SPATA31C2: variants seen among roughly 807,000 people sequenced by gnomAD.
The protein encoded by SPATA31C2 is SPATA31 subfamily C member 2, also known as spermatogenesis-associated protein 31C2.
Under a neutral mutation model 11.4 loss-of-function variants are expected in SPATA31C2, and 5 were observed. The ratio of observed to expected loss-of-function variants is 0.44; its 90% CI spans 0.23 to 0.92. SPATA31C2 has a LOEUF of 0.92. Among genes scored for constraint, SPATA31C2 ranks in the 40% least tolerant of loss-of-function variants. The pLI is 0.24. For synonymous variants in SPATA31C2, 515 were observed against 538.7 expected (o/e 0.96, Z 0.61); for missense variants, 1,353 against 1,368.6 (o/e 0.99, Z 0.18).
chr9:88,131,492 T>G lies in SPATA31C2; in HGVS notation c.1545A>C (p.Pro515=), dbSNP rs11507225. 2,703 of 1,611,808 alleles carry G rather than the reference T, an allele frequency of 1.7e-3. 48 individuals carry two copies. In the African/African-American group the frequency reaches 0.033, roughly 20 times the overall value. ...TCTCACCCAGAATTTGCCCCAGATG[T>G]GGGCATGGGTCCCTCTCTAGCTGGA... The part of the protein sequence containing the change: ...VKFQLERDPC[P]HLGQILGETP... Residue 515 remains proline, a synonymous_variant, in exon 4 of 4, where the codon CCA becomes CCC. Transcript: ENST00000324915.
At chr9:88,136,397 G>T (rs1406942354) in intron 1 of SPATA31C2, among the ~76,000 whole-genome samples, 2 of 140,476 alleles carry the variant, frequency 1.4e-5, no homozygotes, top group South Asian at 2.3e-4. Context: ...TTTTCTTGTT[G>T]TCGTTGTTGA....
At position 88,137,216 on chromosome 9, in the gene SPATA31C2, A is replaced by G. The variant is rs374524941; in HGVS notation, c.189+1042T>C. On this transcript the variant is annotated intron_variant, in intron 1 of 3. Coordinates refer to ENST00000324915, the MANE Select transcript of SPATA31C2 (RefSeq NM_001350978.3). ...TCAGAAATAGTTCCATACAAGTACA[A>G]CCAACTGACTTTTGAAAAAAGTGCA... Among the ~76,000 whole-genome samples the G allele has an allele frequency of 4.0e-5, 6 of 148,592 alleles. No homozygotes were observed. In the East Asian group the frequency reaches 1.0e-3, roughly 25 times the overall value.
At chr9:88,137,652 G>C (rs1484859450) in intron 1 of SPATA31C2, among the ~76,000 whole-genome samples, 2 of 116,498 alleles carry the variant, frequency 1.7e-5, no homozygotes, top group Non-Finnish European at 3.4e-5. Context: ...CACACACACA[G>C]GGATTTTCAA....
In SPATA31C2 at chr9:88,130,458, T is replaced by C. The variant is rs751683804; in HGVS notation, c.2579A>G (p.Glu860Gly). 82 of 1,613,164 alleles carry C rather than the reference T, an allele frequency of 5.1e-5. No individual in the cohort carries two copies. The highest frequency in any genetic ancestry group is 6.3e-5 in the Non-Finnish European group (74 of 1,179,518). Reference sequence around the variant, plus strand: ...CTCTGACTTCGTGGCCTTTCCAGGCTCAAATTCACTAACAGCCTCCTCCAT... The same window carrying C: ...CTCTGACTTCGTGGCCTTTCCAGGCCCAAATTCACTAACAGCCTCCTCCAT... The part of the protein sequence containing the change: ...CLMEEAVSEF[E>G]PGKATKSETQ... Residue 860 changes from glutamate (E) to glycine (G), a missense_variant, in exon 4 of 4, where the codon GAG (glutamate) becomes GGG (glycine). Glu to Gly is a moderately conservative substitution (Grantham distance 98, BLOSUM62 -2). Around this residue, in one of 6 missense-constraint regions of SPATA31C2, gnomAD observed 1,075 missense variants for 992.8 expected, o/e 1.08. Transcript: ENST00000324915.
At position 88,129,726 on chromosome 9, in the gene SPATA31C2, T is replaced by C; in HGVS notation, c.3311A>G (p.His1104Arg). ...GGCTGCATAGCTCAGCATTCTGCTGTGTTCTGAGTAGAACGGGTGTCTGTG... is the reference window on the plus strand; with the variant it reads ...GGCTGCATAGCTCAGCATTCTGCTGCGTTCTGAGTAGAACGGGTGTCTGTG... ...CNHRHPFYSE[H>R]SRMLSYAASS... Residue 1104 changes from histidine to arginine, a missense_variant, in exon 4 of 4, where the codon CAC (histidine) becomes CGC (arginine). Around this residue, in one of 6 missense-constraint regions of SPATA31C2, gnomAD observed 187 missense variants for 205.8 expected, o/e 0.91. Coordinates refer to ENST00000324915, the MANE Select transcript of SPATA31C2 (RefSeq NM_001350978.3). 1 of 1,603,220 alleles carries C rather than the reference T, an allele frequency of 6.2e-7. No individual in the cohort carries two copies. The highest frequency in any genetic ancestry group is 1.1e-5 in the South Asian group (1 of 90,906).
intron 1 of SPATA31C2, among the ~76,000 whole-genome samples, chr9:88,137,521 G>A (rs912803764): frequency 7.1e-6 from 1 of 141,168 alleles, no homozygotes; most frequent in African/African-American, 2.6e-5. Flanking sequence ...TACTCAGGAC[G>A]CTAAGACAGG....
rs755453427 is a variant in SPATA31C2 at position 88,130,926 on chromosome 9, G to A, written c.2111C>T (p.Ala704Val). Residue 704 changes from alanine (A) to valine (V), a missense_variant, in exon 4 of 4, where the codon GCC becomes GTC. This residue lies in a region of SPATA31C2 where 1,075 missense variants were observed against 992.8 expected (regional missense o/e 1.08). Coordinates refer to ENST00000324915, the MANE Select transcript of SPATA31C2 (RefSeq NM_001350978.3). ...ESGAGSKVEVATFLGEPPMAS... is the reference protein window; with the variant it reads ...ESGAGSKVEVVTFLGEPPMAS... ...CATTGGTGGCTCTCCAAGGAACGTGGCCACCTCAACTTTTGAGCCAGCCCC... is the reference window on the plus strand; with the variant it reads ...CATTGGTGGCTCTCCAAGGAACGTGACCACCTCAACTTTTGAGCCAGCCCC... The A allele has an allele frequency of 6.2e-7, 1 of 1,613,702 alleles. No homozygotes were observed. The highest frequency in any genetic ancestry group is 1.1e-5 in the South Asian group (1 of 91,072).
At chr9:88,134,565 C>T (rs1201884658) in intron 1 of SPATA31C2, among the ~76,000 whole-genome samples, 1 of 144,124 alleles carries the variant, frequency 6.9e-6, no homozygotes, top group Non-Finnish European at 1.5e-5. Flanking sequence ...CACAGATGGA[C>T]TGAGAGCTTG....
At chr9:88,137,617 TAAAAA>T (rs1825698103) in intron 1 of SPATA31C2, among the ~76,000 whole-genome samples, 1 of 127,292 alleles carries the variant, frequency 7.9e-6, no homozygotes, top group South Asian at 2.7e-4. Flanking sequence ...ACAAAATAAA[TAAAAA>T]TAACACACAA....
rs776191908 is a variant in SPATA31C2 at position 88,133,604 on chromosome 9, G to C, written c.255C>G (p.His85Gln). The C allele has an allele frequency of 4.4e-6, 7 of 1,582,114 alleles. No individual in the cohort carries two copies. The highest frequency in any genetic ancestry group is 6.0e-6 in the Non-Finnish European group (7 of 1,162,818). Residue 85 changes from histidine (H) to glutamine (Q), a missense_variant, in exon 2 of 4, where the codon CAC becomes CAG. Physicochemically the swap from His to Gln is conservative, Grantham distance 24. Coordinates refer to ENST00000324915, the MANE Select transcript of SPATA31C2 (RefSeq NM_001350978.3). Reference sequence around the variant, plus strand: ...CTGGCAGAGCCTTACCTCTCAGACTGTGGTTTTTCATCCTGCCTCTGGGCC... The same window carrying C: ...CTGGCAGAGCCTTACCTCTCAGACTCTGGTTTTTCATCCTGCCTCTGGGCC... ...RGRPRGRMKN[H>Q]SLRACRECPR...
intron 1 of SPATA31C2, among the ~76,000 whole-genome samples, chr9:88,136,282 G>T (rs1383614642): frequency 7.0e-6 from 1 of 143,828 alleles, no homozygotes; most frequent in African/African-American, 2.6e-5. Context: ...AAAAGGACTG[G>T]CATTCCTCTG....
intron 2 of SPATA31C2, 49 bp from the exon 3 acceptor site, chr9:88,133,075 A>T (rs971750761): frequency 7.2e-6 from 9 of 1,247,102 alleles, no homozygotes; most frequent in Non-Finnish European, 9.5e-6. Flanking sequence ...TTGGGATCTC[A>T]CAGGAGGCTG....
In SPATA31C2 at chr9:88,129,619, C is replaced by G; in HGVS notation, c.*13G>C. 2 of 1,602,688 alleles carry G rather than the reference C, an allele frequency of 1.2e-6. No individual in the cohort carries two copies. Among genetic ancestry groups the G allele is most frequent in the South Asian group, 1.1e-5 (1 of 90,922 alleles). ...CCCCATTGCTCATTGTTGCACCGGA[C>G]ACTTTTCAAGGGCTACTGATCTCTG... On this transcript the variant is annotated 3_prime_UTR_variant, in exon 4 of 4. Transcript: ENST00000324915.
chr9:88,132,401 G>C lies in SPATA31C2; in HGVS notation c.636C>G (p.His212Gln). ...PSPEPPALFP[H>Q]PPRTPDPLAC... Reference sequence around the variant, plus strand: ...CCAGAGGATCAGGAGTGCGTGGTGGGTGAGGGAAAAGTGCAGGTGGCTCGG... The same window carrying C: ...CCAGAGGATCAGGAGTGCGTGGTGGCTGAGGGAAAAGTGCAGGTGGCTCGG... The change falls in exon 4 of 4, where the codon CAC (histidine) becomes CAG (glutamine). Residue 212 changes from histidine (H) to glutamine (Q), a missense_variant. Transcript: ENST00000324915. The C allele has an allele frequency of 3.1e-6, 5 of 1,611,186 alleles. No individual in the cohort carries two copies. The highest frequency in any genetic ancestry group is 4.2e-6 in the Non-Finnish European group (5 of 1,178,078).
Position 88,130,927 on chromosome 9 carries a change from C to A in SPATA31C2, c.2110G>T (p.Ala704Ser), listed in dbSNP as rs1439006068. The A allele has an allele frequency of 6.2e-7, 1 of 1,613,652 alleles. No individual in the cohort carries two copies. The highest frequency in any genetic ancestry group is 2.2e-5 in the East Asian group (1 of 44,860). ...ESGAGSKVEV[A>S]TFLGEPPMAS... is the part of the protein sequence containing the mutation. ...ATTGGTGGCTCTCCAAGGAACGTGGCCACCTCAACTTTTGAGCCAGCCCCA... is the reference window on the plus strand; with the variant it reads ...ATTGGTGGCTCTCCAAGGAACGTGGACACCTCAACTTTTGAGCCAGCCCCA... The change falls in exon 4 of 4, where the codon GCC (alanine) becomes TCC (serine). Residue 704 changes from alanine (A) to serine (S), a missense_variant. By Grantham distance (99) the Ala-to-Ser change is moderately conservative. Coordinates refer to ENST00000324915, the MANE Select transcript of SPATA31C2 (RefSeq NM_001350978.3).
chr9:88,132,507 G>C lies in SPATA31C2; in HGVS notation c.530C>G (p.Pro177Arg). 1 of 1,610,876 alleles carries C rather than the reference G, an allele frequency of 6.2e-7. No individual in the cohort carries two copies. The highest frequency in any genetic ancestry group is 1.1e-5 in the South Asian group (1 of 91,008). The change falls in exon 4 of 4, where the codon CCA (proline) becomes CGA (arginine). Residue 177 changes from proline to arginine, a missense_variant. Coordinates refer to ENST00000324915, the MANE Select transcript of SPATA31C2 (RefSeq NM_001350978.3). ...HPQDLASTPP[P>R]GPMTTSVSSL... ...GGAGACTGAGGTGGTCATTGGGCCTGGTGGTGGGGTGGAGGCCAGATCCTG... is the reference window on the plus strand; with the variant it reads ...GGAGACTGAGGTGGTCATTGGGCCTCGTGGTGGGGTGGAGGCCAGATCCTG...
In SPATA31C2 at chr9:88,136,156, T is replaced by A. The variant is rs571506481; in HGVS notation, c.189+2102A>T. Among the ~76,000 whole-genome samples the A allele has an allele frequency of 6.5e-3, 824 of 126,332 alleles. 2 individuals carry two copies. The highest frequency in any genetic ancestry group is 0.02 in the Middle Eastern group (5 of 256). 82.9% of individuals were successfully genotyped at this position (126,332 alleles called of 152,430 possible). A position where few individuals can be genotyped will look rare whatever the true frequency, so the allele number is the denominator to read the frequency against. On this transcript the variant is annotated intron_variant, in intron 1 of 3. Transcript: ENST00000324915. The stretch of plus-strand genomic sequence containing the variant: ...CACCGTGTTGGCCAGGATGGTCTTG[T>A]TCTCCTGACCTTGTGATCCGCCCGC...
intron 1 of SPATA31C2, among the ~76,000 whole-genome samples, chr9:88,135,994 C>T (rs1825675261): frequency 7.4e-6 from 1 of 135,532 alleles, no homozygotes; most frequent in Non-Finnish European, 1.6e-5. Context: ...AGTGCAGTGG[C>T]ACGCTCTTGG....
At chr9:88,137,518 G>GA in intron 1 of SPATA31C2, among the ~76,000 whole-genome samples, 3 of 141,370 alleles carry the variant, frequency 2.1e-5, no homozygotes, top group African/African-American at 7.8e-5. Flanking sequence ...AGCTACTCAG[G>GA]ACGCTAAGAC....
Sources: gnomAD v4.1 joint callset for allele counts (sites outside exome capture counted in the v4.1 genomes callset) on GRCh38, gnomAD v4.1.1 for gene constraint, gnomAD v4.1.1 regional missense constraint, MANE v1.5 for transcripts, NCBI Gene and HGNC (gene_info 2026-07-23, HGNC 2026-07-21) for gene names.